DPPA2: variants seen among roughly 807,000 people sequenced by gnomAD.
The protein encoded by DPPA2 is developmental pluripotency associated 2, also known as developmental pluripotency-associated protein 2.
DPPA2 carries 26 observed loss-of-function variants against 36.2 expected under a neutral mutation model. The ratio of observed to expected loss-of-function variants is 0.72; its 90% CI spans 0.53 to 1.00. The LOEUF (loss-of-function observed/expected upper bound fraction) is 1.00, where lower values mean the gene tolerates loss of function less well. DPPA2 is among the 50% of genes least tolerant of loss of function. The pLI is 0.00. For synonymous variants in DPPA2, 113 were observed against 123.2 expected, an observed-to-expected ratio of 0.92 and a Z score of 0.55; for missense variants, 361 against 365.1, an observed-to-expected ratio of 0.99 and a Z score of 0.09.
chr3:109,307,299 A>C (rs1707589471), intron 6 of DPPA2, among the ~76,000 whole-genome samples: 1 of 151,672 alleles, frequency 6.6e-6, no homozygotes, highest in African/African-American at 2.4e-5. Context: ...GTAAATCTTC[A>C]TTTTATATAA....
rs756330521 is a variant in DPPA2 at position 109,309,066 on chromosome 3, T to A, written c.356A>T (p.Tyr119Phe). 2 of 1,614,094 alleles carry A rather than the reference T, an allele frequency of 1.2e-6. No individual in the cohort carries two copies. Among genetic ancestry groups the A allele is most frequent in the South Asian group, 2.2e-5 (2 of 91,088 alleles). Residue 119 changes from tyrosine to phenylalanine, a missense_variant, in exon 5 of 9, where the codon TAT (tyrosine) becomes TTT (phenylalanine). Tyr to Phe is a conservative substitution (Grantham distance 22). Coordinates refer to ENST00000478945, the MANE Select transcript of DPPA2 (RefSeq NM_138815.4). ...GTAAGCATGCCTATGAAGCCTCAGA[T>A]AAACTTCGATTTTCTTAGGAAATGA... ...LSTNGKKIEV[Y>F]LRLHRHAYPE... is the part of the protein sequence containing the mutation.
rs184331780 is a variant in DPPA2, at chr3:109,310,711, G to A, written c.182-1381C>T. ...AGTAGAGACGGTGTTTCACTATGTT[G>A]GCCAGGCTGGTCTCGAACGCCTGAC... On this transcript the variant is annotated intron_variant, in intron 3 of 8. Transcript: ENST00000478945. 4.1e-3 allele frequency among the ~76,000 whole-genome samples: 614 copies of A among 150,932 alleles called. 3 individuals are homozygous for A. The highest frequency in any genetic ancestry group is 4.9e-3 in the East Asian group (25 of 5,098).
rs375466381 is a variant in DPPA2, at chr3:109,304,445, G to A, written c.854+30C>T. ...CATCTATACACCTACTTTTCTGTGT[G>A]CCATGCTTAACAAGATACATAAGGG... On this transcript the variant is annotated intron_variant, in intron 7 of 8. Coordinates refer to ENST00000478945, the MANE Select transcript of DPPA2 (RefSeq NM_138815.4). 7.2e-5 allele frequency: 113 copies of A among 1,566,840 alleles called. 2 individuals carry two copies. In the South Asian group the frequency reaches 1.2e-3, roughly 17 times the overall value.
chr3:109,312,642 C>T lies in DPPA2; in HGVS notation c.84G>A (p.Leu28=). The T allele has an allele frequency of 6.2e-7, 1 of 1,613,948 alleles. No homozygotes were observed. Among genetic ancestry groups the T allele is most frequent in the Non-Finnish European group, 8.5e-7 (1 of 1,179,900 alleles). The change falls in exon 3 of 9, where the codon CTG becomes CTA. Residue 28 remains leucine (L), a synonymous_variant. Coordinates refer to ENST00000478945, the MANE Select transcript of DPPA2 (RefSeq NM_138815.4). ...TATTTGCGTCATCTTTAACTGGCAC[C>T]AGTGTCAAAATCACACTTTCCTCAT... ...VDDEESVILT[L]VPVKDDANME... is the part of the protein sequence containing the mutation.
At position 109,309,254 on chromosome 3, in the gene DPPA2, C is replaced by T. The variant is rs753042582; in HGVS notation, c.258G>A (p.Pro86=). ...ARCKIPALPL[P]TILPPINKVC... ...CCTTATTAATGGGAGGCAAAATGGTCGGCAAGGGAAGGGCTGGTATTTTGC... is the reference window on the plus strand; with the variant it reads ...CCTTATTAATGGGAGGCAAAATGGTTGGCAAGGGAAGGGCTGGTATTTTGC... Residue 86 remains proline, a synonymous_variant, in exon 4 of 9, where the codon CCG becomes CCA. Coordinates refer to ENST00000478945, the MANE Select transcript of DPPA2 (RefSeq NM_138815.4). 11 of 1,613,966 alleles carry T rather than the reference C, an allele frequency of 6.8e-6. No homozygotes were observed. Among genetic ancestry groups the T allele is most frequent in the Admixed American group, 3.3e-5 (2 of 59,976 alleles).
At chr3:109,294,078 A>G (rs571411308) in intron 8 of DPPA2, 74 bp from the exon 9 acceptor site, 1 of 152,312 alleles carries the variant, frequency 6.6e-6, no homozygotes, top group South Asian at 2.1e-4. Context: ...CAAGAGAGTT[A>G]GGGTGTTTTG....
chr3:109,298,717 A>AAAT (rs56968344), intron 8 of DPPA2, among the ~76,000 whole-genome samples: 4,626 of 141,800 alleles, frequency 0.033, 106 homozygotes, highest in Middle Eastern at 0.066. Flanking sequence ...TTCTGTCTAA[A>AAAT]AATAATAATA....
At position 109,294,502 on chromosome 3, in the gene DPPA2, T is replaced by C. The variant is rs146738866; in HGVS notation, c.*23-498A>G. On this transcript the variant is annotated intron_variant, in intron 8 of 8. Coordinates refer to ENST00000478945, the MANE Select transcript of DPPA2 (RefSeq NM_138815.4). ...TGCCATTAGCCATCAATAGGCTGAG[T>C]TCAGGAGAGCCTTGTTTTAATTCCA... is the stretch of plus-strand genomic sequence containing the variant. Among the ~76,000 whole-genome samples the C allele has an allele frequency of 2.7e-3, 415 of 152,266 alleles. 2 individuals are homozygous for C. The highest frequency in any genetic ancestry group is 9.5e-3 in the African/African-American group (393 of 41,560).
chr3:109,297,045 C>T (rs1376465312), intron 8 of DPPA2, among the ~76,000 whole-genome samples: 1 of 152,098 alleles, frequency 6.6e-6, no homozygotes, highest in Non-Finnish European at 1.5e-5. Flanking sequence ...CATGATCACA[C>T]CACTGCACTC....
chr3:109,311,193 T>G (rs2107319316), intron 3 of DPPA2, among the ~76,000 whole-genome samples: 1 of 152,318 alleles, frequency 6.6e-6, no homozygotes, highest in Admixed American at 6.5e-5. Context: ...ACCAACTGAA[T>G]AGAACATTAT....
intron 2 of DPPA2, among the ~76,000 whole-genome samples, chr3:109,313,566 T>G (rs1258090529): frequency 6.6e-6 from 1 of 152,248 alleles, no homozygotes; most frequent in East Asian, 1.9e-4. Context: ...TCTCATAGTA[T>G]ACTTGTAGTA....
intron 3 of DPPA2, among the ~76,000 whole-genome samples, chr3:109,312,069 G>A (rs7651183): frequency 0.018 from 2,683 of 152,258 alleles, 91 homozygotes; most frequent in African/African-American, 0.06. Flanking sequence ...CAGGCCAGGC[G>A]TGGTGGCTAA....
chr3:109,315,993 C>T (rs1707778358), intron 1 of DPPA2, among the ~76,000 whole-genome samples: 1 of 152,210 alleles, frequency 6.6e-6, no homozygotes. Flanking sequence ...CCAAGACATC[C>T]TGAATCAGAT....
At chr3:109,294,262 T>C (rs1335954637) in intron 8 of DPPA2, among the ~76,000 whole-genome samples, 1 of 152,196 alleles carries the variant, frequency 6.6e-6, no homozygotes, top group East Asian at 1.9e-4. Context: ...CAATCCTGTG[T>C]TGGTCTTCAG....
At chr3:109,315,568 C>T (rs1707772902) in intron 1 of DPPA2, among the ~76,000 whole-genome samples, 1 of 152,164 alleles carries the variant, frequency 6.6e-6, no homozygotes, top group South Asian at 2.1e-4. Flanking sequence ...GAAGCCAGAG[C>T]AACTAAAGGA....
intron 8 of DPPA2, 82 bp downstream of exon 8, chr3:109,300,289 G>C (rs770959464): frequency 3.8e-5 from 43 of 1,144,076 alleles, no homozygotes; most frequent in Non-Finnish European, 5.3e-5. Flanking sequence ...AAGGCAGAGA[G>C]TTTCTCTTGT....
intron 7 of DPPA2, among the ~76,000 whole-genome samples, chr3:109,301,584 A>G (rs1323007787): frequency 1.3e-5 from 2 of 152,020 alleles, no homozygotes; most frequent in African/African-American, 2.4e-5. Flanking sequence ...CCTGGGAGGC[A>G]GAGGTTGCAG....
chr3:109,315,333 T>G (rs751042513), intron 1 of DPPA2, among the ~76,000 whole-genome samples: 8 of 152,164 alleles, frequency 5.3e-5, no homozygotes, highest in Non-Finnish European at 1.2e-4. Flanking sequence ...TAACATAATC[T>G]CTCTTCGATC....
intron 6 of DPPA2, among the ~76,000 whole-genome samples, chr3:109,306,117 G>T (rs180767491): frequency 1.4e-4 from 22 of 152,250 alleles, no homozygotes; most frequent in African/African-American, 5.3e-4. Flanking sequence ...ATAGCTCCCC[G>T]ATTAGACTGT....
Sources: allele counts gnomAD v4.1 joint callset (sites outside exome capture counted in the v4.1 genomes callset), GRCh38; gene constraint gnomAD v4.1.1; transcripts MANE v1.5; gene names NCBI Gene and HGNC (gene_info 2026-07-23, HGNC 2026-07-21).